CEP128: variants seen among roughly 807,000 people sequenced by gnomAD.
CEP128 encodes centrosomal protein 128kDa.
CEP128 carries 132 observed loss-of-function variants against 156.7 expected under a neutral mutation model. That is an observed-to-expected ratio of 0.84 (90% CI 0.73 to 0.97). CEP128 has a LOEUF of 0.97. CEP128 is among the 50% of genes least tolerant of loss of function. The pLI is 0.00. For missense variants in CEP128, 1,252 were observed against 1,281.9 expected (o/e 0.98, Z 0.36); for synonymous variants, 469 against 448.9 (o/e 1.04, Z -0.57).
intron 19 of CEP128, among the ~76,000 whole-genome samples, chr14:80,711,584 G>A (rs1897410472): frequency 6.6e-6 from 1 of 152,020 alleles, no homozygotes; most frequent in African/African-American, 2.4e-5. Flanking sequence ...GGGTTGCAGG[G>A]AAAGTGGGAA....
chr14:80,863,461 TGAAA>T (rs1261345163), intron 8 of CEP128, among the ~76,000 whole-genome samples: 1 of 152,102 alleles, frequency 6.6e-6, no homozygotes. Context: ...ACTCTAAACG[TGAAA>T]GAAAGTCAAA....
chr14:80,689,534 T>G (rs112805345), intron 19 of CEP128, among the ~76,000 whole-genome samples: 5 of 152,246 alleles, frequency 3.3e-5, no homozygotes, highest in African/African-American at 1.2e-4. Context: ...CAAATTAAAT[T>G]CCACTCAGCT....
Position 80,526,972 on chromosome 14 carries a change from C to G in CEP128, c.2969G>C (p.Ser990Thr). 1 of 1,522,504 alleles carries G rather than the reference C, an allele frequency of 6.6e-7. No individual in the cohort carries two copies. Among genetic ancestry groups the G allele is most frequent in the Non-Finnish European group, 8.9e-7 (1 of 1,122,208 alleles). 94.3% of individuals were successfully genotyped at this position (1,522,504 alleles called of 1,614,324 possible). A position where few individuals can be genotyped will look rare whatever the true frequency, so the allele number is the denominator to read the frequency against. The change falls in exon 23 of 25, where the codon AGT (serine) becomes ACT (threonine). Residue 990 changes from serine to threonine, a missense_variant. Coordinates refer to ENST00000555265, the MANE Select transcript of CEP128 (RefSeq NM_152446.5). ...TCTTCCATCAGTTCTCTCAGATGAA[C>G]TGCAGGAATCCTGGAAAAAAAAAAA... ...EDFKDFRDSC[S>T]SSERTDGRYS...
At chr14:80,852,125 A>T (rs1237690575) in intron 9 of CEP128, among the ~76,000 whole-genome samples, 2 of 152,046 alleles carry the variant, frequency 1.3e-5, no homozygotes, top group African/African-American at 4.8e-5. Flanking sequence ...AAGCACATAA[A>T]ATTCTGCATC....
At chr14:80,842,360 T>C (rs10134279) in intron 9 of CEP128, among the ~76,000 whole-genome samples, 4,052 of 152,128 alleles carry the variant, frequency 0.027, 178 homozygotes, top group African/African-American at 0.092. Flanking sequence ...GAACACTAGC[T>C]CTGCTTTCTA....
At chr14:80,853,384 T>C (rs548540380) in intron 9 of CEP128, among the ~76,000 whole-genome samples, 4 of 151,894 alleles carry the variant, frequency 2.6e-5, no homozygotes, top group Admixed American at 6.6e-5. Flanking sequence ...TACACTAAGA[T>C]AGTATGTCAG....
chr14:80,817,681 G>A (rs1456195942), intron 13 of CEP128, among the ~76,000 whole-genome samples: 1 of 152,118 alleles, frequency 6.6e-6, no homozygotes, highest in Non-Finnish European at 1.5e-5. Context: ...AGGAGATCAA[G>A]GCCATCCTGG....
At chr14:80,692,266 CA>C (rs960361591) in intron 19 of CEP128, among the ~76,000 whole-genome samples, 11 of 152,120 alleles carry the variant, frequency 7.2e-5, no homozygotes, top group Non-Finnish European at 1.5e-4. Context: ...TTGGGTAAAA[CA>C]TTTTGCAAGA....
intron 19 of CEP128, among the ~76,000 whole-genome samples, chr14:80,667,857 C>CAAAAAAAAA (rs3070047): frequency 1.1e-5 from 1 of 90,044 alleles, no homozygotes; most frequent in Non-Finnish European, 2.3e-5. Context: ...GACTCCATCT[C>CAAAAAAAAA]AAAAAAAAAA....
intron 19 of CEP128, among the ~76,000 whole-genome samples, chr14:80,695,949 A>G (rs568402140): frequency 3.0e-4 from 46 of 152,250 alleles, no homozygotes; most frequent in African/African-American, 1.1e-3. Context: ...TATGAATTAA[A>G]CTCAAACAAA....
At chr14:80,923,153 T>C (rs1884967870) in intron 2 of CEP128, among the ~76,000 whole-genome samples, 1 of 152,194 alleles carries the variant, frequency 6.6e-6, no homozygotes, top group African/African-American at 2.4e-5. Flanking sequence ...CAAATCAGTA[T>C]TTAAAGGCAT....
At chr14:80,759,600 T>G (rs1435783354) in intron 17 of CEP128, among the ~76,000 whole-genome samples, 2 of 152,006 alleles carry the variant, frequency 1.3e-5, no homozygotes, top group African/African-American at 4.8e-5. Context: ...AGGCCCACAA[T>G]GAAAAAAATG....
chr14:80,799,412 T>C (rs1367137310), intron 13 of CEP128, among the ~76,000 whole-genome samples: 2 of 152,168 alleles, frequency 1.3e-5, no homozygotes, highest in African/African-American at 2.4e-5. Flanking sequence ...TTGTAAAATA[T>C]GTGTGTTTGA....
chr14:80,664,016 C>T (rs1252322119), intron 19 of CEP128, among the ~76,000 whole-genome samples: 1 of 152,232 alleles, frequency 6.6e-6, no homozygotes, highest in Non-Finnish European at 1.5e-5. Context: ...AAATATCACC[C>T]ATATCTGCCC....
At position 80,784,914 on chromosome 14, in the gene CEP128, T is replaced by C. The variant is rs549373002; in HGVS notation, c.2192A>G (p.Asn731Ser). 1.2e-6 allele frequency: 2 copies of C among 1,611,838 alleles called. No individual in the cohort carries two copies. Among genetic ancestry groups the C allele is most frequent in the South Asian group, 2.2e-5 (2 of 90,632 alleles). The change falls in exon 15 of 25, where the codon AAT (asparagine) becomes AGT (serine). Residue 731 changes from asparagine (N) to serine (S), a missense_variant. Asn to Ser is a conservative substitution (Grantham distance 46). Coordinates refer to ENST00000555265, the MANE Select transcript of CEP128 (RefSeq NM_152446.5). ...AGGTACCTTCAGAGTCCTGATATGATTCTCAGCCTCACTCTTTTCTTTCTT... is the reference window on the plus strand; with the variant it reads ...AGGTACCTTCAGAGTCCTGATATGACTCTCAGCCTCACTCTTTTCTTTCTT... ...HFKKEKSEAE[N>S]HIRTLKAESL...
intron 19 of CEP128, among the ~76,000 whole-genome samples, chr14:80,659,020 C>T (rs559707775): frequency 2.0e-5 from 3 of 152,182 alleles, no homozygotes; most frequent in South Asian, 2.1e-4. Flanking sequence ...CTAGAGGAAA[C>T]AAATTTAGAG....
Position 80,858,295 on chromosome 14 carries a change from A to C in CEP128, c.762+4462T>G, listed in dbSNP as rs547783288. ...AACCTGAGAAAAACAAGCAATGGGGAAAGGATTCCCTATTTAATAAATGGT... is the reference window on the plus strand; with the variant it reads ...AACCTGAGAAAAACAAGCAATGGGGCAAGGATTCCCTATTTAATAAATGGT... On this transcript the variant is annotated intron_variant, in intron 9 of 24. Transcript: ENST00000555265. Among the ~76,000 whole-genome samples the C allele has an allele frequency of 3.6e-5, 5 of 138,610 alleles. No individual in the cohort carries two copies. The East Asian group carries it at 8.2e-4, about 23-fold the overall frequency. The allele number at this position is 138,610 out of a possible 152,430, so 90.9% of individuals were successfully genotyped here.
chr14:80,700,562 T>A (rs1157366793), intron 19 of CEP128, among the ~76,000 whole-genome samples: 1 of 152,170 alleles, frequency 6.6e-6, no homozygotes, highest in East Asian at 1.9e-4. Context: ...ACCATATATG[T>A]TATGCTTAAA....
chr14:80,604,808 T>C (rs1595077665), intron 19 of CEP128, among the ~76,000 whole-genome samples: 1 of 152,132 alleles, frequency 6.6e-6, no homozygotes, highest in East Asian at 1.9e-4. Context: ...GTTCAGAATA[T>C]TGTATATACT....
Sources: gnomAD v4.1 joint callset for allele counts (sites outside exome capture counted in the v4.1 genomes callset) on GRCh38, gnomAD v4.1.1 for gene constraint, MANE v1.5 for transcripts, NCBI Gene and HGNC (gene_info 2026-07-23, HGNC 2026-07-21) for gene names.